Variants in SLC22A23 observed in about 807,000 individuals in gnomAD.
SLC22A23 encodes solute carrier family 22 member 23.
A neutral mutation model predicts 61.0 loss-of-function variants in SLC22A23; 26 were observed. The ratio of observed to expected loss-of-function variants is 0.43; its 90% CI spans 0.31 to 0.59. SLC22A23 has a LOEUF of 0.59. Among genes scored for constraint, SLC22A23 ranks in the 20% least tolerant of loss-of-function variants. The pLI is 0.11. For missense variants in SLC22A23, 796 were observed against 934.7 expected (o/e 0.85, Z 1.94); for synonymous variants, 430 against 413.9 (o/e 1.04, Z -0.47).
At chr6:3,413,272 G>A (rs1021654998) in intron 2 of SLC22A23, among the ~76,000 whole-genome samples, 3 of 152,252 alleles carry the variant, frequency 2.0e-5, no homozygotes, top group Admixed American at 6.5e-5. Context: ...CTGTGTGGAG[G>A]TCATGGACAG....
chr6:3,383,108 TAGC>T (rs1380958246), intron 3 of SLC22A23, among the ~76,000 whole-genome samples: 1 of 152,242 alleles, frequency 6.6e-6, no homozygotes, highest in East Asian at 1.9e-4. Flanking sequence ...GCCCAAATGA[TAGC>T]AGCATATTCA....
intron 4 of SLC22A23, among the ~76,000 whole-genome samples, chr6:3,300,117 T>C (rs1313837172): frequency 6.7e-6 from 1 of 150,108 alleles, no homozygotes; most frequent in African/African-American, 2.5e-5. Flanking sequence ...TTCAAGCGAT[T>C]CTCCTGCCTC....
chr6:3,442,043 G>A (rs912806291), intron 1 of SLC22A23, among the ~76,000 whole-genome samples: 2 of 152,166 alleles, frequency 1.3e-5, no homozygotes, highest in Admixed American at 6.5e-5. Context: ...CTGCCGATGG[G>A]TGAACAAACA....
intron 3 of SLC22A23, among the ~76,000 whole-genome samples, chr6:3,403,471 G>A (rs1768575412): frequency 1.3e-5 from 2 of 152,326 alleles, no homozygotes; most frequent in South Asian, 2.1e-4. Context: ...CAAGGTTGTT[G>A]ACATGAGGGC....
In SLC22A23 at chr6:3,416,754, AG is replaced by A. The variant is rs527813556; in HGVS notation, c.655-900del. Among the ~76,000 whole-genome samples the A allele has an allele frequency of 8.8e-4, 134 of 152,326 alleles. 1 individual carries two copies. The highest frequency in any genetic ancestry group is 3.2e-3 in the African/African-American group (131 of 41,584). The stretch of plus-strand genomic sequence containing the variant: ...CTAGATGCCCCTGCTTCTGCTGCAA[AG>A]AAGTGGGCAAAGCTTCTGGTCTGGA... On this transcript the variant is annotated intron_variant, in intron 1 of 9. Coordinates refer to ENST00000406686, the MANE Select transcript of SLC22A23 (RefSeq NM_015482.2).
At chr6:3,415,945 G>T in intron 1 of SLC22A23, 90 bp from the exon 2 acceptor site, 1 of 911,330 alleles carries the variant, frequency 1.1e-6, no homozygotes, top group Non-Finnish European at 1.7e-6. Context: ...TAACCCTGCA[G>T]GGACCACCGC....
chr6:3,366,578 T>A (rs1167730451), intron 3 of SLC22A23, among the ~76,000 whole-genome samples: 1 of 152,146 alleles, frequency 6.6e-6, no homozygotes, highest in Non-Finnish European at 1.5e-5. Flanking sequence ...TTACTACCAG[T>A]AGTATATGCA....
At chr6:3,421,607 G>A (rs1418088115) in intron 1 of SLC22A23, among the ~76,000 whole-genome samples, 1 of 152,146 alleles carries the variant, frequency 6.6e-6, no homozygotes, top group African/African-American at 2.4e-5. Context: ...TCTCTAAAGA[G>A]TAGAAATAAG....
chr6:3,452,598 C>T (rs1772203612), intron 1 of SLC22A23, among the ~76,000 whole-genome samples: 1 of 42,686 alleles, frequency 2.3e-5, no homozygotes, highest in Non-Finnish European at 4.0e-5. Flanking sequence ...CAGACGCTGT[C>T]TAAAAAAAAA....
Position 3,386,676 on chromosome 6 carries a change from G to A in SLC22A23, c.913+23512C>T, listed in dbSNP as rs947093273. ...AACCCTCTTGCTCTACAGATGAAAAGAGTGAATCCAGGACTGCCGGGGACC... is the reference window on the plus strand; with the variant it reads ...AACCCTCTTGCTCTACAGATGAAAAAAGTGAATCCAGGACTGCCGGGGACC... On this transcript the variant is annotated intron_variant, in intron 3 of 9. Coordinates refer to ENST00000406686, the MANE Select transcript of SLC22A23 (RefSeq NM_015482.2). This position sits in a 1 kb window ranked among gnomAD's most constrained non-coding sequence, Gnocchi z 4.4. Among the ~76,000 whole-genome samples, 11 of 152,360 alleles carry A rather than the reference G, an allele frequency of 7.2e-5. No individual in the cohort carries two copies. The highest frequency in any genetic ancestry group is 2.4e-4 in the African/African-American group (10 of 41,592).
intron 1 of SLC22A23, among the ~76,000 whole-genome samples, chr6:3,447,971 T>C (rs1320305703): frequency 6.8e-6 from 1 of 146,312 alleles, no homozygotes; most frequent in Non-Finnish European, 1.5e-5. Context: ...GGCGCAATCT[T>C]GGCTCACTGC....
At chr6:3,292,960 C>T (rs530540082) in intron 5 of SLC22A23, among the ~76,000 whole-genome samples, 4 of 152,320 alleles carry the variant, frequency 2.6e-5, no homozygotes, top group South Asian at 2.1e-4. Context: ...CCTGCTGACC[C>T]GCTGGGAGGA....
intron 8 of SLC22A23, 168 bp downstream of exon 8, chr6:3,284,911 C>T (rs1220750792): frequency 2.6e-6 from 4 of 1,538,848 alleles, no homozygotes; most frequent in Admixed American, 3.9e-5. Context: ...AGGGAGAATA[C>T]AAATGTATCC....
At chr6:3,323,577 G>A in intron 4 of SLC22A23, 1 of 551,612 alleles carries the variant, frequency 1.8e-6, no homozygotes, top group Non-Finnish European at 3.2e-6. Flanking sequence ...GAGCCAGACT[G>A]GCCAGTGCAT....
At chr6:3,445,622 AG>A (rs1771855402) in intron 1 of SLC22A23, among the ~76,000 whole-genome samples, 1 of 152,136 alleles carries the variant, frequency 6.6e-6, no homozygotes, top group Non-Finnish European at 1.5e-5. Context: ...GGGTCCAGTG[AG>A]GGCTTGGATA....
Position 3,279,509 on chromosome 6 carries a change from C to CAAAAAAAAAAAAAAAAAAAAAA in SLC22A23, c.1703+4321_1703+4342dup, listed in dbSNP as rs10642564. Among the ~76,000 whole-genome samples, 46 of 36,014 alleles carry CAAAAAAAAAAAAAAAAAAAAAA rather than the reference C, an allele frequency of 1.3e-3. 11 individuals carry two copies. The highest frequency in any genetic ancestry group is 3.0e-3 in the Admixed American group (5 of 1,640). 23.6% of individuals were successfully genotyped at this position (36,014 alleles called of 152,430 possible). ...CTGGCAACAGAGCAAGGCTCCGTCTCAAAAAAAAAAAAAAAAAAAAAAAAA... is the reference window on the plus strand; with the variant it reads ...CTGGCAACAGAGCAAGGCTCCGTCTCAAAAAAAAAAAAAAAAAAAAAAAAAAAAAAAAAAAAAAAAAAAAAAA... On this transcript the variant is annotated intron_variant, in intron 9 of 9. Coordinates refer to ENST00000406686, the MANE Select transcript of SLC22A23 (RefSeq NM_015482.2).
At chr6:3,382,511 CT>C (rs2127476009) in intron 3 of SLC22A23, among the ~76,000 whole-genome samples, 1 of 152,348 alleles carries the variant, frequency 6.6e-6, no homozygotes, top group African/African-American at 2.4e-5. Flanking sequence ...GCGAGTCCCC[CT>C]GGGCTCTGTG....
At chr6:3,418,044 C>T (rs1440295562) in intron 1 of SLC22A23, among the ~76,000 whole-genome samples, 1 of 152,250 alleles carries the variant, frequency 6.6e-6, no homozygotes, top group Non-Finnish European at 1.5e-5. Flanking sequence ...CTTCATAAAT[C>T]ACAGTGGGTG....
At chr6:3,369,690 C>CA (rs56226023) in intron 3 of SLC22A23, among the ~76,000 whole-genome samples, 1,729 of 144,916 alleles carry the variant, frequency 0.012, 13 homozygotes, top group Non-Finnish European at 0.015. Flanking sequence ...GACTCCATCT[C>CA]AAAAAAAAAA....
Sources: gnomAD v4.1 joint callset for allele counts (sites outside exome capture counted in the v4.1 genomes callset) on GRCh38, gnomAD v4.1.1 for gene constraint, Gnocchi (gnomAD v3.1) non-coding constraint, MANE v1.5 for transcripts, NCBI Gene and HGNC (gene_info 2026-07-23, HGNC 2026-07-21) for gene names.